Variants in PGM1 observed in about 807,000 individuals in gnomAD.
PGM1 encodes the protein phosphoglucomutase 1, also known as phosphoglucomutase-1.
In PGM1, 52 loss-of-function variants were observed where a neutral mutation model predicts 55.6. That is an observed-to-expected ratio of 0.94 (90% CI 0.75 to 1.18). PGM1 has a LOEUF of 1.18. Ranked by LOEUF, PGM1 falls within the 50% of genes most tolerant of loss-of-function variation. PGM1 has a pLI of 0.00. For synonymous variants in PGM1, 287 were observed against 271.7 expected (o/e 1.06, Z -0.55); for missense variants, 724 against 729.3 (o/e 0.99, Z 0.08).
At chr1:63,650,198 C>T (rs530214787) in intron 8 of PGM1, among the ~76,000 whole-genome samples, 1 of 152,324 alleles carries the variant, frequency 6.6e-6, no homozygotes, top group African/African-American at 2.4e-5. Flanking sequence ...GCGCTAGGCA[C>T]TTTTGCATGC....
At chr1:63,652,100 C>T (rs1649825864) in intron 9 of PGM1, among the ~76,000 whole-genome samples, 2 of 152,084 alleles carry the variant, frequency 1.3e-5, no homozygotes, top group African/African-American at 2.4e-5. Context: ...ACCTGGACTC[C>T]AGAGGGATTT....
intron 1 of PGM1, 22 bp downstream of exon 1, chr1:63,593,756 G>T (rs1443575895): frequency 6.4e-7 from 1 of 1,574,234 alleles, no homozygotes. Flanking sequence ...GCGGCCCCGC[G>T]CCGCTGTGCA....
At chr1:63,647,260 A>G (rs1382439090) in intron 7 of PGM1, among the ~76,000 whole-genome samples, 1 of 1,940 alleles carries the variant, frequency 5.2e-4, no homozygotes, top group Non-Finnish European at 7.6e-4. Flanking sequence ...AAAATTTTAC[A>G]TATATATATA....
At chr1:63,630,422 C>T (rs1379458495) in intron 3 of PGM1, among the ~76,000 whole-genome samples, 3 of 152,264 alleles carry the variant, frequency 2.0e-5, no homozygotes, top group African/African-American at 4.8e-5. Context: ...GGTCTTTACA[C>T]GTGTTAATCC....
At chr1:63,644,221 A>G (rs1649595260) in intron 7 of PGM1, among the ~76,000 whole-genome samples, 3 of 152,212 alleles carry the variant, frequency 2.0e-5, no homozygotes, top group Admixed American at 1.3e-4. Flanking sequence ...AAGTAAAGTG[A>G]CAGGTGTTTG....
chr1:63,659,011 C>T (rs1391871596), intron 10 of PGM1, among the ~76,000 whole-genome samples: 2 of 152,174 alleles, frequency 1.3e-5, no homozygotes, highest in Non-Finnish European at 1.5e-5. Flanking sequence ...CATTCACTAT[C>T]ATGAGAACAG....
At chr1:63,629,302 T>G (rs1649124268) in intron 1 of PGM1, 123 bp from the exon 2 acceptor site, 4 of 844,630 alleles carry the variant, frequency 4.7e-6, no homozygotes, top group Non-Finnish European at 8.2e-6. Context: ...TAAAATCTTT[T>G]CTTGTCCAAC....
intron 5 of PGM1, among the ~76,000 whole-genome samples, chr1:63,635,918 G>A (rs1649349114): frequency 6.6e-6 from 1 of 152,204 alleles, no homozygotes; most frequent in African/African-American, 2.4e-5. Context: ...AAGATGATTG[G>A]TTCCAGAGTC....
chr1:63,634,982 G>A lies in PGM1; in HGVS notation c.836G>A (p.Gly279Glu), dbSNP rs548066059. 18 of 1,614,034 alleles carry A rather than the reference G, an allele frequency of 1.1e-5. No homozygotes were observed. Among genetic ancestry groups the A allele is most frequent in the Middle Eastern group, 1.7e-4 (1 of 6,022 alleles). The change falls in exon 5 of 11, where the codon GGA becomes GAA. Residue 279 changes from glycine (G) to glutamate (E), a missense_variant. Gly to Glu is a moderately conservative substitution (Grantham distance 98). Around this residue, in one of 3 missense-constraint regions of PGM1, gnomAD observed 379 missense variants for 357.5 expected, o/e 1.06. Coordinates refer to ENST00000371084, the MANE Select transcript of PGM1 (RefSeq NM_002633.3). ...GACCTGGTGGAGACCATGAAGTCAGGAGAGCATGATTTTGGGGCTGCCTTT... is the reference window on the plus strand; with the variant it reads ...GACCTGGTGGAGACCATGAAGTCAGAAGAGCATGATTTTGGGGCTGCCTTT... ...AADLVETMKS[G>E]EHDFGAAFDG...
chr1:63,594,045 C>T (rs999852802), intron 1 of PGM1: 1 of 1,092,660 alleles, frequency 9.2e-7, no homozygotes, highest in Non-Finnish European at 1.1e-6. Flanking sequence ...TTCCCTCTCC[C>T]CGTCCCCCGC....
intron 8 of PGM1, among the ~76,000 whole-genome samples, chr1:63,649,921 A>G (rs1457288649): frequency 6.6e-6 from 1 of 152,234 alleles, no homozygotes; most frequent in African/African-American, 2.4e-5. Flanking sequence ...CCCAACTCAT[A>G]GTAGAGACTG....
chr1:63,613,254 CTTATCTTTT>C (rs1036147902), intron 1 of PGM1, among the ~76,000 whole-genome samples: 1 of 86,420 alleles, frequency 1.2e-5, no homozygotes, highest in Non-Finnish European at 2.1e-5. Context: ...AAGGAGTTGG[CTTATCTTTT>C]TTTTTTTTTT....
intron 1 of PGM1, among the ~76,000 whole-genome samples, chr1:63,608,036 T>C (rs1022572561): frequency 1.3e-5 from 2 of 152,230 alleles, no homozygotes; most frequent in Non-Finnish European, 2.9e-5. Context: ...GTAAAAACAG[T>C]TACCCACTAA....
intron 1 of PGM1, among the ~76,000 whole-genome samples, chr1:63,614,323 G>A (rs1570480339): frequency 6.6e-6 from 1 of 152,124 alleles, no homozygotes; most frequent in East Asian, 1.9e-4. Flanking sequence ...TAATAGTTAT[G>A]TAGCGCTACA....
At chr1:63,619,830 C>CCCAT (rs1354879285) in intron 1 of PGM1, among the ~76,000 whole-genome samples, 1 of 152,124 alleles carries the variant, frequency 6.6e-6, no homozygotes, top group African/African-American at 2.4e-5. Flanking sequence ...AGAACAGAGG[C>CCCAT]CCATCCACCT....
intron 1 of PGM1, among the ~76,000 whole-genome samples, chr1:63,628,435 A>G (rs1649096468): frequency 1.3e-5 from 2 of 152,220 alleles, no homozygotes; most frequent in Non-Finnish European, 1.5e-5. Flanking sequence ...GGCAGAGCCA[A>G]CAGTCCCAGA....
intron 1 of PGM1, among the ~76,000 whole-genome samples, chr1:63,619,103 C>G (rs981796993): frequency 5.3e-5 from 8 of 152,296 alleles, no homozygotes; most frequent in African/African-American, 1.9e-4. Context: ...AAGGGCTAAC[C>G]TAATCTGGCT....
intron 1 of PGM1, among the ~76,000 whole-genome samples, chr1:63,612,121 G>A (rs1442675510): frequency 6.6e-6 from 1 of 151,950 alleles, no homozygotes; most frequent in African/African-American, 2.4e-5. Context: ...GCCGGGCATG[G>A]TGGCGCGTGC....
intron 7 of PGM1, among the ~76,000 whole-genome samples, chr1:63,648,126 C>G (rs1399697898): frequency 6.6e-6 from 1 of 152,120 alleles, no homozygotes; most frequent in Non-Finnish European, 1.5e-5. Context: ...TAAAGAACTA[C>G]CTGAGACTGG....
Sources: gnomAD v4.1 joint callset for allele counts (sites outside exome capture counted in the v4.1 genomes callset) on GRCh38, gnomAD v4.1.1 for gene constraint, gnomAD v4.1.1 regional missense constraint, MANE v1.5 for transcripts, NCBI Gene and HGNC (gene_info 2026-07-23, HGNC 2026-07-21) for gene names.